PAN2: variants seen among roughly 807,000 people sequenced by gnomAD.
The protein encoded by PAN2 is PAN2-PAN3 deadenylation complex catalytic subunit PAN2.
In PAN2, 68 loss-of-function variants were observed where a neutral mutation model predicts 133.3. The ratio of observed to expected loss-of-function variants is 0.51; its 90% CI spans 0.42 to 0.62. The LOEUF (loss-of-function observed/expected upper bound fraction) is 0.62, where lower values mean the gene tolerates loss of function less well. Ranked by LOEUF, PAN2 falls within the 20% of genes least tolerant of loss-of-function variation. The probability of loss-of-function intolerance (pLI) is 0.00; values close to 1 mark genes in which losing one functional copy is unlikely to be tolerated. For missense variants in PAN2, 1,042 were observed against 1,500.5 expected (o/e 0.69, Z 5.05); for synonymous variants, 462 against 544.6 (o/e 0.85, Z 2.11).
At chr12:56,324,752 G>A in intron 10 of PAN2, 43 bp from the exon 11 acceptor site, 1 of 1,590,110 alleles carries the variant, frequency 6.3e-7, no homozygotes, top group Non-Finnish European at 8.5e-7. Context: ...AACTGGCCTG[G>A]GGGTGAGGAG....
At chr12:56,331,665 T>C (rs1425704767) in intron 2 of PAN2, among the ~76,000 whole-genome samples, 3 of 151,908 alleles carry the variant, frequency 2.0e-5, no homozygotes, top group African/African-American at 4.8e-5. Context: ...AAACAATTCA[T>C]GACCAAAGAA....
chr12:56,323,230 G>T, intron 16 of PAN2, 21 bp from the exon 17 acceptor site: 1 of 1,613,798 alleles, frequency 6.2e-7, no homozygotes, highest in Non-Finnish European at 8.5e-7. Context: ...AGAAGAATTG[G>T]AAATTTGTTC....
chr12:56,333,746 C>G (rs1230835710), intron 1 of PAN2, 116 bp downstream of exon 1: 1 of 152,524 alleles, frequency 6.6e-6, no homozygotes, highest in Non-Finnish European at 1.5e-5. Context: ...ACCCAGAATT[C>G]TCTGGGGGAA....
chr12:56,330,733 C>T (rs1280361827), intron 2 of PAN2, among the ~76,000 whole-genome samples: 2 of 152,076 alleles, frequency 1.3e-5, no homozygotes, highest in African/African-American at 4.8e-5. Context: ...GCTCAAGCAA[C>T]CCTCCCACCT....
intron 19 of PAN2, 58 bp from the exon 20 acceptor site, chr12:56,322,226 A>G (rs1874634176): frequency 1.1e-5 from 13 of 1,217,152 alleles, no homozygotes; most frequent in East Asian, 4.7e-5. Context: ...CTTTTCCCCC[A>G]CTTCAGACGG....
At chr12:56,322,387 G>T (rs747102363) in intron 19 of PAN2, 36 bp downstream of exon 19, 1 of 1,538,626 alleles carries the variant, frequency 6.5e-7, no homozygotes. Flanking sequence ...AGGAAAAGGG[G>T]AAATGAAAGA....
rs1326202875 is a variant in PAN2, at chr12:56,333,097, T to C, written c.-3A>G. 6.2e-7 allele frequency: 1 copy of C among 1,612,840 alleles called. No individual in the cohort carries two copies. The highest frequency in any genetic ancestry group is 1.1e-5 in the South Asian group (1 of 91,054). ...GGGTCCAGACCCTCAAAGTTCATGATGACGATGGCAGCTTACACCTGTGTC... is the reference window on the plus strand; with the variant it reads ...GGGTCCAGACCCTCAAAGTTCATGACGACGATGGCAGCTTACACCTGTGTC... On this transcript the variant is annotated 5_prime_UTR_variant, in exon 2 of 26. Transcript: ENST00000440411.
intron 20 of PAN2, among the ~76,000 whole-genome samples, chr12:56,320,469 C>A (rs1874362628): frequency 6.6e-6 from 1 of 152,018 alleles, no homozygotes; most frequent in Non-Finnish European, 1.5e-5. Context: ...GAAACCCCGT[C>A]TCTACTAATT....
chr12:56,318,769 TG>T (rs1874182107), intron 24 of PAN2, among the ~76,000 whole-genome samples: 1 of 152,128 alleles, frequency 6.6e-6, no homozygotes, highest in Admixed American at 6.6e-5. Flanking sequence ...CGTGTACTGG[TG>T]GGGACTGGGC....
rs187297132 is a variant in PAN2 at position 56,319,935 on chromosome 12, G to A, written c.2875C>T (p.Leu959=). Residue 959 remains leucine (L), a synonymous_variant, in exon 21 of 26, where the codon CTG becomes TTG. Transcript: ENST00000440411. The surrounding 1 kb of genome is among the most constrained non-coding windows in gnomAD (Gnocchi z 5.4). The stretch of plus-strand genomic sequence containing the variant: ...ATCTGTGGCATCTCATTCAGCATCA[G>A]TGGAATAAAGGTAGTATGTGTTTTC... ...QRKTHTTFIP[L]MLNEMPQIGD... The A allele has an allele frequency of 8.7e-5, 140 of 1,614,212 alleles. No individual in the cohort carries two copies. Among genetic ancestry groups the A allele is most frequent in the Non-Finnish European group, 1.1e-4 (128 of 1,180,026 alleles).
rs759429721 is a variant in PAN2 at position 56,322,175 on chromosome 12, A to G, written c.2698-7T>C. 5.8e-6 allele frequency: 9 copies of G among 1,557,392 alleles called. No individual in the cohort carries two copies. In the South Asian group the frequency reaches 8.9e-5, roughly 15 times the overall value. The stretch of plus-strand genomic sequence containing the variant: ...CAAACTGCACAGCTTCATGCTATAG[A>G]AGAGAAAAAGCACTTATGGCTAATG... On this transcript the variant is annotated splice_polypyrimidine_tract_variant and splice_region_variant and intron_variant, in intron 19 of 25. Coordinates refer to ENST00000440411, the MANE Select transcript of PAN2 (RefSeq NM_014871.6).
chr12:56,318,350 C>T lies in PAN2; in HGVS notation c.3449G>A (p.Ser1150Asn). 1 of 1,614,062 alleles carries T rather than the reference C, an allele frequency of 6.2e-7. No homozygotes were observed. Among genetic ancestry groups the T allele is most frequent in the Non-Finnish European group, 8.5e-7 (1 of 1,179,968 alleles). Residue 1150 changes from serine (S) to asparagine (N), a missense_variant, in exon 25 of 26, where the codon AGC (serine) becomes AAC (asparagine). Physicochemically the swap from Ser to Asn is conservative, Grantham distance 46 (BLOSUM62 1). Coordinates refer to ENST00000440411, the MANE Select transcript of PAN2 (RefSeq NM_014871.6). ...LQLYRKYLEL[S>N]KNGTEPESFH... ...AGACTCAGGCTCAGTGCCATTTTTG[C>T]TTAGCTCCAGATACTTTCGGTACAG...
chr12:56,332,640 A>C lies in PAN2; in HGVS notation c.282+173T>G, dbSNP rs983755509. 2.6e-5 allele frequency: 17 copies of C among 658,242 alleles called. No individual in the cohort carries two copies. In the African/African-American group the frequency reaches 3.1e-4, roughly 12 times the overall value. 40.8% of individuals were successfully genotyped at this position (658,242 alleles called of 1,614,324 possible). On this transcript the variant is annotated intron_variant, in intron 2 of 25. Coordinates refer to ENST00000440411, the MANE Select transcript of PAN2 (RefSeq NM_014871.6). Reference sequence around the variant, plus strand: ...AAAAAGGGATGCCTCCTGAGAAAGAATATGTCATTTACTCCTAGATCCTAG... The same window carrying C: ...AAAAAGGGATGCCTCCTGAGAAAGACTATGTCATTTACTCCTAGATCCTAG...
chr12:56,327,117 G>C (rs1875208624), intron 6 of PAN2, among the ~76,000 whole-genome samples, 158 bp from the exon 7 acceptor site: 1 of 152,172 alleles, frequency 6.6e-6, no homozygotes, highest in African/African-American at 2.4e-5. Context: ...AACCACAGAT[G>C]GTTCGCTACT....
rs781130461 is a variant in PAN2, at chr12:56,324,133, T to C, written c.1981A>G (p.Met661Val). Reference protein sequence around the residue: ...SVIGQLFSCEMENCSLCRCGS... With the variant: ...SVIGQLFSCEVENCSLCRCGS... ...CAGCGGCAGAGGCTGCAGTTCTCCA[T>C]CTCACAGCTGAAGAGCTGCCCAATA... The change falls in exon 13 of 26, where the codon ATG (methionine) becomes GTG (valine). Residue 661 changes from methionine to valine, a missense_variant. Met to Val is a conservative substitution (Grantham distance 21). Around this residue, in one of 3 missense-constraint regions of PAN2, gnomAD observed 908 missense variants for 1,223.5 expected, o/e 0.74. Coordinates refer to ENST00000440411, the MANE Select transcript of PAN2 (RefSeq NM_014871.6). The C allele has an allele frequency of 1.9e-6, 3 of 1,614,048 alleles. No homozygotes were observed. Among genetic ancestry groups the C allele is most frequent in the Non-Finnish European group, 2.5e-6 (3 of 1,180,006 alleles).
At chr12:56,321,123 C>A (rs1481596074) in intron 20 of PAN2, among the ~76,000 whole-genome samples, 1 of 151,618 alleles carries the variant, frequency 6.6e-6, no homozygotes, top group Non-Finnish European at 1.5e-5. Flanking sequence ...CTGGTGCAAT[C>A]ATGGCTCACT....
intron 24 of PAN2, among the ~76,000 whole-genome samples, chr12:56,318,736 G>A (rs1383932126): frequency 2.0e-5 from 3 of 151,982 alleles, no homozygotes; most frequent in African/African-American, 4.8e-5. Context: ...GGGTACATGT[G>A]CATGTTTGTT....
chr12:56,322,089 T>C lies in PAN2; in HGVS notation c.2777A>G (p.Tyr926Cys). The change falls in exon 20 of 26, where the codon TAC (tyrosine) becomes TGC (cysteine). Residue 926 changes from tyrosine to cysteine, a missense_variant. Coordinates refer to ENST00000440411, the MANE Select transcript of PAN2 (RefSeq NM_014871.6). ...YYVKRNLNSR[Y>C]NLNIKNPIEA... The stretch of plus-strand genomic sequence containing the variant: ...TATGTAGCACTTACTGTTCAGGTTG[T>C]ATCTGGAATTGAGATTCCGTTTGAC... 1 of 1,592,578 alleles carries C rather than the reference T, an allele frequency of 6.3e-7. No homozygotes were observed. Among genetic ancestry groups the C allele is most frequent in the Non-Finnish European group, 8.6e-7 (1 of 1,160,498 alleles).
intron 10 of PAN2, 27 bp from the exon 11 acceptor site, chr12:56,324,736 G>A: frequency 6.2e-7 from 1 of 1,605,222 alleles, no homozygotes; most frequent in Non-Finnish European, 8.5e-7. Flanking sequence ...AAGAACTGAT[G>A]TAGGAAACTG....
Sources: gnomAD v4.1 joint callset for allele counts (sites outside exome capture counted in the v4.1 genomes callset) on GRCh38, gnomAD v4.1.1 for gene constraint, gnomAD v4.1.1 regional missense constraint, Gnocchi (gnomAD v3.1) non-coding constraint, MANE v1.5 for transcripts, NCBI Gene and HGNC (gene_info 2026-07-23, HGNC 2026-07-21) for gene names.